MIER3: variants seen among roughly 807,000 people sequenced by gnomAD.
The protein encoded by MIER3 is MIER family member 3.
A neutral mutation model predicts 63.2 loss-of-function variants in MIER3; 9 were observed. The ratio of observed to expected loss-of-function variants is 0.14; its 90% CI spans 0.09 to 0.25. MIER3 has a LOEUF of 0.25. Among genes scored for constraint, MIER3 ranks in the 10% least tolerant of loss-of-function variants. The pLI is 1.00. For synonymous variants in MIER3, 205 were observed against 224.9 expected (o/e 0.91, Z 0.79); for missense variants, 512 against 666.2 (o/e 0.77, Z 2.55).
chr5:56,942,549 C>T (rs140259622), intron 3 of MIER3, among the ~76,000 whole-genome samples: 2 of 152,120 alleles, frequency 1.3e-5, no homozygotes, highest in East Asian at 1.9e-4. Context: ...GGGATGGTAA[C>T]GATGAGTTTA....
At chr5:56,938,348 A>C (rs1249505653) in intron 4 of MIER3, 2 of 471,160 alleles carry the variant, frequency 4.2e-6, no homozygotes, top group Non-Finnish European at 8.8e-6. Flanking sequence ...TCTGAAAGGC[A>C]AGGAAAGGTT....
At chr5:56,936,340 T>C (rs1156381628) in intron 5 of MIER3, among the ~76,000 whole-genome samples, 4 of 152,132 alleles carry the variant, frequency 2.6e-5, no homozygotes, top group Non-Finnish European at 5.9e-5. Context: ...CTGATTATAC[T>C]AATCCAGGAG....
intron 10 of MIER3, among the ~76,000 whole-genome samples, chr5:56,926,631 G>A (rs976977716): frequency 4.0e-5 from 6 of 151,466 alleles, no homozygotes; most frequent in Admixed American, 1.3e-4. Context: ...ATTCATTACT[G>A]CTGGAAATAC....
rs931396081 is a variant in MIER3 at position 56,921,805 on chromosome 5, A to T, written c.*1323T>A. The T allele has an allele frequency of 6.6e-6, 1 of 152,662 alleles. No homozygotes were observed. Among genetic ancestry groups the T allele is most frequent in the African/African-American group, 2.4e-5 (1 of 41,462 alleles). The allele number at this position is 152,662 out of a possible 1,614,324, so 9.5% of individuals were successfully genotyped here. On this transcript the variant is annotated 3_prime_UTR_variant, in exon 13 of 13. Coordinates refer to ENST00000381199, the MANE Select transcript of MIER3 (RefSeq NM_001297599.2). Reference sequence around the variant, plus strand: ...CAACATAATTCTCTATTTTAACAGTACTACAAAAGCAAAGATTACATCCTA... The same window carrying T: ...CAACATAATTCTCTATTTTAACAGTTCTACAAAAGCAAAGATTACATCCTA...
intron 3 of MIER3, chr5:56,941,444 G>C (rs1750643467): frequency 6.6e-6 from 1 of 152,160 alleles, no homozygotes; most frequent in Non-Finnish European, 1.5e-5. Context: ...GGGTAGCAGG[G>C]AAAGACAGTC....
At chr5:56,942,976 TA>T (rs1160308168) in intron 3 of MIER3, among the ~76,000 whole-genome samples, 2 of 151,770 alleles carry the variant, frequency 1.3e-5, no homozygotes, top group Non-Finnish European at 1.5e-5. Context: ...CCCTTCTCTA[TA>T]AAAAAAATTT....
At chr5:56,940,735 C>T (rs1174761278) in intron 3 of MIER3, among the ~76,000 whole-genome samples, 1 of 152,188 alleles carries the variant, frequency 6.6e-6, no homozygotes, top group Non-Finnish European at 1.5e-5. Context: ...GTGAAGTTCA[C>T]CTACACCATG....
chr5:56,937,077 T>A (rs2112118213), intron 5 of MIER3: 1 of 151,940 alleles, frequency 6.6e-6, no homozygotes, highest in South Asian at 2.1e-4. Context: ...TTTATCTTAT[T>A]ATTATTATTA....
intron 3 of MIER3, among the ~76,000 whole-genome samples, chr5:56,939,855 AGG>A (rs1750579599): frequency 6.6e-6 from 1 of 152,242 alleles, no homozygotes; most frequent in Non-Finnish European, 1.5e-5. Context: ...CAGCTGTGGT[AGG>A]AATAATATGC....
chr5:56,923,394 A>C lies in MIER3; in HGVS notation c.1387T>G (p.Ser463Ala). The C allele has an allele frequency of 6.2e-7, 1 of 1,614,166 alleles. No homozygotes were observed. Among genetic ancestry groups the C allele is most frequent in the Non-Finnish European group, 8.5e-7 (1 of 1,180,020 alleles). ...CACATGTTCATAGGGTTTAGCTCCGAGTGATAAAATCCAGTCTCAAATAAA... is the reference window on the plus strand; with the variant it reads ...CACATGTTCATAGGGTTTAGCTCCGCGTGATAAAATCCAGTCTCAAATAAA... ...FNLFETGFYH[S>A]ELNPMNMCSE... The change falls in exon 13 of 13, where the codon TCG becomes GCG. Residue 463 changes from serine (S) to alanine (A), a missense_variant. Ser to Ala is a moderately conservative substitution (Grantham distance 99). Coordinates refer to ENST00000381199, the MANE Select transcript of MIER3 (RefSeq NM_001297599.2).
intron 8 of MIER3, among the ~76,000 whole-genome samples, chr5:56,931,717 T>C (rs1300136050): frequency 3.3e-5 from 5 of 152,140 alleles, no homozygotes; most frequent in Admixed American, 3.3e-4. Context: ...TCACTGTTAT[T>C]ACCAAATATC....
intron 12 of MIER3, 48 bp from the exon 13 acceptor site, chr5:56,923,633 A>G: frequency 1.2e-6 from 2 of 1,613,170 alleles, no homozygotes; most frequent in Non-Finnish European, 1.7e-6. Flanking sequence ...TATGACATCA[A>G]ACAGAGGACA....
chr5:56,935,565 T>A (rs1477775141), intron 6 of MIER3, 65 bp from the exon 7 acceptor site: 27 of 1,495,972 alleles, frequency 1.8e-5, no homozygotes, highest in Non-Finnish European at 2.5e-5. Flanking sequence ...AAGCCCCATA[T>A]CATTAATCAG....
chr5:56,939,477 C>T lies in MIER3; in HGVS notation c.181-460G>A, dbSNP rs147526651. Among the ~76,000 whole-genome samples the T allele has an allele frequency of 3.2e-3, 494 of 152,294 alleles. 2 individuals carry two copies. The highest frequency in any genetic ancestry group is 0.012 in the African/African-American group (483 of 41,572). On this transcript the variant is annotated intron_variant, in intron 3 of 12. Transcript: ENST00000381199. ...ACCTTTGCTGAATGTTTACTAACAT[C>T]AGCAATATTTATGTTCAAAGAACAA...
chr5:56,921,652 A>G lies in MIER3; in HGVS notation c.*1476T>C, dbSNP rs1749679443. 1 of 152,656 alleles carries G rather than the reference A, an allele frequency of 6.6e-6. No individual in the cohort carries two copies. Among genetic ancestry groups the G allele is most frequent in the South Asian group, 2.1e-4 (1 of 4,836 alleles). 9.5% of individuals were successfully genotyped at this position (152,656 alleles called of 1,614,324 possible). On this transcript the variant is annotated 3_prime_UTR_variant, in exon 13 of 13. Coordinates refer to ENST00000381199, the MANE Select transcript of MIER3 (RefSeq NM_001297599.2). Reference sequence around the variant, plus strand: ...CCTTTCAATCACTACTAAGATCACTACATCCTATCTACTCATCAGCACAAC... The same window carrying G: ...CCTTTCAATCACTACTAAGATCACTGCATCCTATCTACTCATCAGCACAAC...
intron 4 of MIER3, among the ~76,000 whole-genome samples, chr5:56,938,634 GTC>G (rs1293669194): frequency 3.9e-5 from 6 of 152,140 alleles, no homozygotes; most frequent in Non-Finnish European, 8.8e-5. Flanking sequence ...GATACAATGT[GTC>G]TACACAGGAA....
At chr5:56,947,584 T>C (rs1005074383) in intron 2 of MIER3, among the ~76,000 whole-genome samples, 1 of 152,140 alleles carries the variant, frequency 6.6e-6, no homozygotes, top group African/African-American at 2.4e-5. Context: ...AAAACAAATA[T>C]AAGTTTCTGT....
chr5:56,925,430 T>TGG, intron 10 of MIER3: 1 of 411,156 alleles, frequency 2.4e-6, no homozygotes, highest in Non-Finnish European at 4.8e-6. Flanking sequence ...ACAAGGTTAA[T>TGG]ACACAAAAGT....
intron 2 of MIER3, among the ~76,000 whole-genome samples, chr5:56,947,707 T>C (rs1488927830): frequency 6.6e-6 from 1 of 152,244 alleles, no homozygotes; most frequent in East Asian, 1.9e-4. Context: ...TGTAAGACTT[T>C]GCTTTACTTT....
Sources: gnomAD v4.1 joint callset for allele counts (sites outside exome capture counted in the v4.1 genomes callset) on GRCh38, gnomAD v4.1.1 for gene constraint, MANE v1.5 for transcripts, NCBI Gene and HGNC (gene_info 2026-07-23, HGNC 2026-07-21) for gene names.